Variants in ZNRF3 observed in about 807,000 individuals in gnomAD.
ZNRF3 encodes zinc and ring finger 3.
In ZNRF3, 23 loss-of-function variants were observed where a neutral mutation model predicts 72.5. That is an observed-to-expected ratio of 0.32 (90% CI 0.23 to 0.45). The LOEUF is 0.45. Among genes scored for constraint, ZNRF3 ranks in the 20% least tolerant of loss-of-function variants. The probability of loss-of-function intolerance (pLI) is 1.00; values close to 1 mark genes in which losing one functional copy is unlikely to be tolerated. For missense variants in ZNRF3, 1,169 were observed against 1,272.1 expected (o/e 0.92, Z 1.23); for synonymous variants, 610 against 545.3 (o/e 1.12, Z -1.65).
chr22:28,942,277 G>A (rs934924041), intron 1 of ZNRF3, among the ~76,000 whole-genome samples: 1 of 152,238 alleles, frequency 6.6e-6, no homozygotes, highest in Non-Finnish European at 1.5e-5. Context: ...CTGCACAGAT[G>A]TGCCCAACTG....
chr22:28,889,577 GGA>G (rs1419702566), intron 1 of ZNRF3, among the ~76,000 whole-genome samples: 1 of 152,164 alleles, frequency 6.6e-6, no homozygotes, highest in Non-Finnish European at 1.5e-5. Flanking sequence ...AGTCTCCTAT[GGA>G]GACAGACACA....
intron 1 of ZNRF3, among the ~76,000 whole-genome samples, chr22:28,967,246 A>T (rs2035485997): frequency 6.6e-6 from 1 of 152,164 alleles, no homozygotes; most frequent in African/African-American, 2.4e-5. Flanking sequence ...TTAAATACAC[A>T]GATATTTACC....
At chr22:28,899,340 G>T (rs2034062155) in intron 1 of ZNRF3, among the ~76,000 whole-genome samples, 1 of 152,168 alleles carries the variant, frequency 6.6e-6, no homozygotes, top group Admixed American at 6.5e-5. Flanking sequence ...GAATATTTAT[G>T]TTGAGCCAAG....
chr22:29,018,062 G>A, intron 2 of ZNRF3: 1 of 518,916 alleles, frequency 1.9e-6, no homozygotes, highest in Non-Finnish European at 3.8e-6. Context: ...GGTGCTTGGA[G>A]GGCAGATAGT....
chr22:29,000,462 T>G (rs533583356), intron 2 of ZNRF3, among the ~76,000 whole-genome samples: 2 of 152,256 alleles, frequency 1.3e-5, no homozygotes, highest in Non-Finnish European at 2.9e-5. Flanking sequence ...TTTTTTCATT[T>G]CTTAGTAAAC....
intron 2 of ZNRF3, among the ~76,000 whole-genome samples, chr22:28,996,827 G>A (rs1393579826): frequency 6.6e-6 from 1 of 152,202 alleles, no homozygotes. Flanking sequence ...CCTTGACGTA[G>A]AACAGGGCTT....
At position 28,884,050 on chromosome 22, in the gene ZNRF3, A is replaced by G; in HGVS notation, c.284A>G (p.Glu95Gly). ...FSRAGATLSA[E>G]GEIVQMHPLG... is the part of the protein sequence containing the mutation. Reference sequence around the variant, plus strand: ...CGGGCCGGGGCCACGCTCAGCGCCGAGGGCGAGATCGTGCAGGTAGCTGCC... The same window carrying G: ...CGGGCCGGGGCCACGCTCAGCGCCGGGGGCGAGATCGTGCAGGTAGCTGCC... The change falls in exon 1 of 9, where the codon GAG (glutamate) becomes GGG (glycine). Residue 95 changes from glutamate to glycine, a missense_variant. By Grantham distance (98) the Glu-to-Gly change is moderately conservative (BLOSUM62 -2). Around this residue, in one of 2 missense-constraint regions of ZNRF3, gnomAD observed 386 missense variants for 540.7 expected, o/e 0.71. Coordinates refer to ENST00000544604, the MANE Select transcript of ZNRF3 (RefSeq NM_001206998.2). The G allele has an allele frequency of 8.1e-7, 1 of 1,229,120 alleles. No individual in the cohort carries two copies. The allele number at this position is 1,229,120 out of a possible 1,614,324, so 76.1% of individuals were successfully genotyped here. A position where few individuals can be genotyped will look rare whatever the true frequency, so the allele number is the denominator to read the frequency against.
intron 1 of ZNRF3, among the ~76,000 whole-genome samples, chr22:28,926,464 A>T (rs1368638648): frequency 6.8e-6 from 1 of 148,036 alleles, no homozygotes; most frequent in African/African-American, 2.5e-5. Flanking sequence ...GGGATTATAC[A>T]CACATCACCC....
chr22:29,007,283 TG>T (rs1443145767), intron 2 of ZNRF3, among the ~76,000 whole-genome samples: 2 of 152,204 alleles, frequency 1.3e-5, no homozygotes, highest in Non-Finnish European at 1.5e-5. Flanking sequence ...TTTAGGTAAC[TG>T]GTTTCTCATC....
intron 1 of ZNRF3, among the ~76,000 whole-genome samples, chr22:28,899,678 C>CTTCT (rs1398417456): frequency 1.2e-3 from 181 of 147,352 alleles, no homozygotes; most frequent in African/African-American, 4.1e-3. Flanking sequence ...TCTTTCTTTT[C>CTTCT]TTCTTTCTTT....
chr22:28,974,821 A>G (rs1469890929), intron 1 of ZNRF3, among the ~76,000 whole-genome samples: 1 of 152,042 alleles, frequency 6.6e-6, no homozygotes, highest in Non-Finnish European at 1.5e-5. Flanking sequence ...ATTTTTGTAG[A>G]GACAGGGGTC....
intron 2 of ZNRF3, among the ~76,000 whole-genome samples, chr22:29,007,110 A>AG (rs370895254): frequency 6.6e-6 from 1 of 152,116 alleles, no homozygotes; most frequent in African/African-American, 2.4e-5. Flanking sequence ...TGCAGGGAGG[A>AG]GGGGACAGAA....
intron 1 of ZNRF3, among the ~76,000 whole-genome samples, chr22:28,919,078 A>G (rs1371541466): frequency 1.3e-5 from 2 of 152,180 alleles, no homozygotes; most frequent in African/African-American, 4.8e-5. Context: ...ATCCTTGAGT[A>G]TTTGCAGCCA....
chr22:29,049,640 C>T lies in ZNRF3; in HGVS notation c.1459C>T (p.Pro487Ser). The T allele has an allele frequency of 2.5e-6, 4 of 1,610,678 alleles. No homozygotes were observed. Among genetic ancestry groups the T allele is most frequent in the Non-Finnish European group, 3.4e-6 (4 of 1,179,606 alleles). Residue 487 changes from proline to serine, a missense_variant, in exon 8 of 9, where the codon CCA becomes TCA. By Grantham distance (74) the Pro-to-Ser change is moderately conservative. Coordinates refer to ENST00000544604, the MANE Select transcript of ZNRF3 (RefSeq NM_001206998.2). This position sits in a 1 kb window ranked among gnomAD's most constrained non-coding sequence, Gnocchi z 5.2. ...LSYPEQEGQS[P>S]PSLAPRGPAR... ...CTACCCGGAGCAGGAGGGGCAGTCC[C>T]CACCTAGCCTCGCACCCCGGGGCCC...
chr22:28,980,653 A>T (rs1019444370), intron 1 of ZNRF3, among the ~76,000 whole-genome samples: 5 of 152,258 alleles, frequency 3.3e-5, no homozygotes, highest in Non-Finnish European at 7.3e-5. Flanking sequence ...AGTAAAACAA[A>T]ATCAAAGTTA....
In ZNRF3 at chr22:29,054,446, G is replaced by C. The variant is rs1041128681; in HGVS notation, c.*824G>C. The C allele has an allele frequency of 6.6e-6, 1 of 152,376 alleles. No individual in the cohort carries two copies. The highest frequency in any genetic ancestry group is 2.4e-5 in the African/African-American group (1 of 41,456). The allele number at this position is 152,376 out of a possible 1,614,324, so 9.4% of individuals were successfully genotyped here. ...GACAGAGTTCACAGCCCTGGTCTTG[G>C]CTGAGGTCCAGGTCATAGTAAGGGC... On this transcript the variant is annotated 3_prime_UTR_variant, in exon 9 of 9. Coordinates refer to ENST00000544604, the MANE Select transcript of ZNRF3 (RefSeq NM_001206998.2).
intron 2 of ZNRF3, among the ~76,000 whole-genome samples, chr22:28,991,719 G>A (rs941651672): frequency 3.9e-5 from 6 of 152,142 alleles, no homozygotes; most frequent in Admixed American, 6.5e-5. Flanking sequence ...TCGAGTCCTA[G>A]AGAGTTCTCT....
At chr22:28,995,866 C>T (rs1054732572) in intron 2 of ZNRF3, among the ~76,000 whole-genome samples, 4 of 151,978 alleles carry the variant, frequency 2.6e-5, no homozygotes, top group African/African-American at 9.7e-5. Context: ...ACCTCTGTGC[C>T]CCAGGCTCAG....
chr22:29,052,142 A>G (rs1032713284), intron 8 of ZNRF3, among the ~76,000 whole-genome samples: 10 of 152,222 alleles, frequency 6.6e-5, no homozygotes, highest in Admixed American at 6.5e-5. Flanking sequence ...ACTGGAGTCT[A>G]GCACCTCTGA....
Sources: gnomAD v4.1 joint callset for allele counts (sites outside exome capture counted in the v4.1 genomes callset) on GRCh38, gnomAD v4.1.1 for gene constraint, gnomAD v4.1.1 regional missense constraint, Gnocchi (gnomAD v3.1) non-coding constraint, MANE v1.5 for transcripts, NCBI Gene and HGNC (gene_info 2026-07-23, HGNC 2026-07-21) for gene names.